Variants in TET2 observed in about 807,000 individuals in gnomAD.
The protein encoded by TET2 is tet methylcytosine dioxygenase 2.
Under a neutral mutation model 142.9 loss-of-function variants are expected in TET2, and 299 were observed. The ratio of observed to expected loss-of-function variants is 2.09; its 90% CI spans 1.90 to 2.30. TET2 has a LOEUF of 2.30. TET2 is among the 30% of genes most tolerant of loss of function. The probability of loss-of-function intolerance (pLI) is 0.00; values close to 1 mark genes in which losing one functional copy is unlikely to be tolerated. For synonymous variants in TET2, 819 were observed against 849.0 expected (o/e 0.96, Z 0.61); for missense variants, 2,418 against 2,378.0 (o/e 1.02, Z -0.35).
chr4:105,188,103 G>C (rs1725563508), intron 1 of TET2, among the ~76,000 whole-genome samples: 1 of 152,084 alleles, frequency 6.6e-6, no homozygotes, highest in Admixed American at 6.5e-5. Context: ...ATAGCCTAAA[G>C]GTAGAAGCAA....
intron 6 of TET2, 45 bp downstream of exon 6, chr4:105,243,823 G>A (rs17319679): frequency 0.087 from 131,865 of 1,511,154 alleles, 6,415 homozygotes; most frequent in Non-Finnish European, 0.098. Flanking sequence ...GCCACTGATA[G>A]GAAAGCCCAA....
At chr4:105,223,042 T>C (rs1292812732) in intron 2 of TET2, among the ~76,000 whole-genome samples, 1 of 152,186 alleles carries the variant, frequency 6.6e-6, no homozygotes, top group Non-Finnish European at 1.5e-5. Context: ...GTGGCCTTAT[T>C]TCTGAGGGCT....
At chr4:105,155,569 T>A (rs2866774) in intron 1 of TET2, among the ~76,000 whole-genome samples, 8,591 of 152,306 alleles carry the variant, frequency 0.056, 410 homozygotes, top group East Asian at 0.19. Context: ...TGTATTTGAA[T>A]TTCTAACCTT....
chr4:105,235,434 G>A lies in TET2; in HGVS notation c.1492G>A (p.Val498Ile), dbSNP rs2110227482. The A allele has an allele frequency of 6.2e-7, 1 of 1,614,172 alleles. No homozygotes were observed. Residue 498 changes from valine to isoleucine, a missense_variant, in exon 3 of 11, where the codon GTT becomes ATT. Transcript: ENST00000380013. ...CATACAGACTGCAGGGACAATGACT[G>A]TTCCATTGTGTTCTGAGAAAACAAG... ...NDIQTAGTMT[V>I]PLCSEKTRPM...
intron 6 of TET2, among the ~76,000 whole-genome samples, chr4:105,257,241 C>G (rs1352668916): frequency 6.6e-6 from 1 of 152,050 alleles, no homozygotes; most frequent in Non-Finnish European, 1.5e-5. Context: ...CAAGACTAGC[C>G]TGGGCAGCAT....
chr4:105,241,327 T>A lies in TET2; in HGVS notation c.3410-12T>A, dbSNP rs1729284115. 6.5e-7 allele frequency: 1 copy of A among 1,535,688 alleles called. No homozygotes were observed. Among genetic ancestry groups the A allele is most frequent in the African/African-American group, 1.4e-5 (1 of 72,048 alleles). ...TGAGGTCTAAAATAATAATCTTCTA[T>A]TATCTCAACAGAGCAAATTATTGAA... On this transcript the variant is annotated splice_polypyrimidine_tract_variant and intron_variant, in intron 3 of 10. Coordinates refer to ENST00000380013, the MANE Select transcript of TET2 (RefSeq NM_001127208.3).
At chr4:105,197,782 T>C (rs1345432381) in intron 2 of TET2, among the ~76,000 whole-genome samples, 1 of 152,222 alleles carries the variant, frequency 6.6e-6, no homozygotes, top group Non-Finnish European at 1.5e-5. Flanking sequence ...TATTCACTAA[T>C]GAAATATAAA....
intron 7 of TET2, among the ~76,000 whole-genome samples, chr4:105,260,677 T>A (rs1730380536): frequency 6.6e-6 from 1 of 152,176 alleles, no homozygotes; most frequent in Admixed American, 6.5e-5. Context: ...TTTGTTAACC[T>A]TATTAAGCTT....
At chr4:105,253,804 GT>G (rs1729990059) in intron 6 of TET2, among the ~76,000 whole-genome samples, 1 of 151,938 alleles carries the variant, frequency 6.6e-6, no homozygotes, top group Non-Finnish European at 1.5e-5. Context: ...TAGCTGTATG[GT>G]TTTGTATATA....
intron 8 of TET2, 54 bp downstream of exon 8, chr4:105,261,902 A>G: frequency 1.0e-6 from 1 of 1,002,818 alleles, no homozygotes; most frequent in East Asian, 2.7e-5. Flanking sequence ...GTTACTAATG[A>G]CCTATGTCCA....
intron 2 of TET2, among the ~76,000 whole-genome samples, chr4:105,217,466 A>G (rs1216193633): frequency 6.6e-6 from 1 of 152,012 alleles, no homozygotes; most frequent in African/African-American, 2.4e-5. Context: ...ATTACATAAG[A>G]TATCATATAC....
chr4:105,259,710 A>G lies in TET2; in HGVS notation c.3895A>G (p.Lys1299Glu). Residue 1299 changes from lysine to glutamate, a missense_variant, in exon 7 of 11, where the codon AAG becomes GAG. Coordinates refer to ENST00000380013, the MANE Select transcript of TET2 (RefSeq NM_001127208.3). The stretch of plus-strand genomic sequence containing the variant: ...ATGGAGCATGTACTACAATGGATGT[A>G]AGTTTGCCAGAAGCAAGATCCCAAG... ...CSWSMYYNGC[K>E]FARSKIPRKF... 1.3e-6 allele frequency: 2 copies of G among 1,551,152 alleles called. No individual in the cohort carries two copies. The highest frequency in any genetic ancestry group is 1.7e-6 in the Non-Finnish European group (2 of 1,146,596).
At chr4:105,176,757 A>G (rs1205399359) in intron 1 of TET2, among the ~76,000 whole-genome samples, 4 of 152,226 alleles carry the variant, frequency 2.6e-5, no homozygotes, top group Non-Finnish European at 5.9e-5. Context: ...ATGGATATCA[A>G]CAAAAGGATT....
chr4:105,247,107 T>C (rs1393353580), intron 6 of TET2, among the ~76,000 whole-genome samples: 1 of 152,114 alleles, frequency 6.6e-6, no homozygotes, highest in Non-Finnish European at 1.5e-5. Context: ...AAAGGAAAAG[T>C]GCAATATAAT....
Position 105,276,105 on chromosome 4 carries a change from T to A in TET2, c.5595T>A (p.Ala1865=). ...CTGACATTGGGGGAGTGGCCGTGGC[T>A]CCAACTCATGGGTCAATTCTCATTG... ...LDPDIGGVAV[A]PTHGSILIEC... Residue 1865 remains alanine, a synonymous_variant, in exon 11 of 11, where the codon GCT becomes GCA. Transcript: ENST00000380013. 6.4e-7 allele frequency: 1 copy of A among 1,551,634 alleles called. No individual in the cohort carries two copies. The highest frequency in any genetic ancestry group is 8.7e-7 in the Non-Finnish European group (1 of 1,146,968).
At chr4:105,263,172 AG>A (rs1730528156) in intron 8 of TET2, among the ~76,000 whole-genome samples, 1 of 152,334 alleles carries the variant, frequency 6.6e-6, no homozygotes, top group Non-Finnish European at 1.5e-5. Context: ...AAAACCCAAA[AG>A]TAGACTAGAT....
At position 105,243,663 on chromosome 4, in the gene TET2, A is replaced by G; in HGVS notation, c.3688A>G (p.Ile1230Val). The G allele has an allele frequency of 1.3e-6, 2 of 1,550,758 alleles. No individual in the cohort carries two copies. The highest frequency in any genetic ancestry group is 1.7e-6 in the Non-Finnish European group (2 of 1,146,202). Residue 1230 changes from isoleucine (I) to valine (V), a missense_variant, in exon 6 of 11, where the codon ATC (isoleucine) becomes GTC (valine). Coordinates refer to ENST00000380013, the MANE Select transcript of TET2 (RefSeq NM_001127208.3). ...TGAGGCTGCAGTGATTGTGATTCTCATCCTGGTGTGGGAAGGAATCCCGCT... is the reference window on the plus strand; with the variant it reads ...TGAGGCTGCAGTGATTGTGATTCTCGTCCTGGTGTGGGAAGGAATCCCGCT... The part of the protein sequence containing the change: ...TCEAAVIVIL[I>V]LVWEGIPLSL...
At chr4:105,203,929 A>T in intron 2 of TET2, among the ~76,000 whole-genome samples, 1 of 152,106 alleles carries the variant, frequency 6.6e-6, no homozygotes, top group East Asian at 1.9e-4. Context: ...GGCCAAGTGC[A>T]GTGGCTCATG....
At chr4:105,229,503 G>T (rs11930890) in intron 2 of TET2, among the ~76,000 whole-genome samples, 13,357 of 151,976 alleles carry the variant, frequency 0.088, 1,694 homozygotes, top group African/African-American at 0.28. Flanking sequence ...TAGTGGCGGT[G>T]TTTGACCACG....
Sources: gnomAD v4.1 joint callset for allele counts (sites outside exome capture counted in the v4.1 genomes callset) on GRCh38, gnomAD v4.1.1 for gene constraint, MANE v1.5 for transcripts, NCBI Gene and HGNC (gene_info 2026-07-23, HGNC 2026-07-21) for gene names.